Variants in POSTN observed in about 807,000 individuals in gnomAD.
POSTN encodes periostin.
POSTN carries 71 observed loss-of-function variants against 104.5 expected under a neutral mutation model. The ratio of observed to expected loss-of-function variants is 0.68; its 90% CI spans 0.56 to 0.83. The LOEUF (loss-of-function observed/expected upper bound fraction) is 0.83. POSTN is among the 40% of genes least tolerant of loss of function. The pLI is 0.00. For synonymous variants in POSTN, 355 were observed against 340.7 expected (o/e 1.04, Z -0.46); for missense variants, 949 against 1,006.8 (o/e 0.94, Z 0.78).
At chr13:37,583,258 A>G (rs565635166) in intron 9 of POSTN, among the ~76,000 whole-genome samples, 25 of 152,082 alleles carry the variant, frequency 1.6e-4, no homozygotes, top group Non-Finnish European at 3.2e-4. Context: ...TTATTTATTT[A>G]TAATTTGACA....
At chr13:37,573,931 T>TGTGA (rs1444520395) in intron 17 of POSTN, among the ~76,000 whole-genome samples, 2 of 151,192 alleles carry the variant, frequency 1.3e-5, no homozygotes, top group Non-Finnish European at 1.5e-5. Context: ...AGAATGTGTG[T>TGTGA]GTGTGTCTGT....
intron 16 of POSTN, among the ~76,000 whole-genome samples, chr13:37,576,924 A>G (rs572435156): frequency 2.0e-5 from 3 of 152,216 alleles, no homozygotes; most frequent in Admixed American, 6.6e-5. Context: ...AAATAACTGG[A>G]TGCTCATGGT....
In POSTN at chr13:37,584,123, C is replaced by T. The variant is rs575999225; in HGVS notation, c.1109-20G>A. ...GTTTGGCTGAAAAATAAACCATCAC[C>T]ATCACAACAATGTCATCATTGCTAT... On this transcript the variant is annotated intron_variant, in intron 8 of 22. Coordinates refer to ENST00000379747, the MANE Select transcript of POSTN (RefSeq NM_006475.3). 6 of 1,612,948 alleles carry T rather than the reference C, an allele frequency of 3.7e-6. No individual in the cohort carries two copies. The African/African-American group carries it at 5.3e-5, about 14-fold the overall frequency.
intron 9 of POSTN, among the ~76,000 whole-genome samples, chr13:37,583,212 T>C (rs1487688541): frequency 6.6e-6 from 1 of 152,172 alleles, no homozygotes; most frequent in Non-Finnish European, 1.5e-5. Context: ...TATACTATTT[T>C]ACATCATGAT....
intron 4 of POSTN, among the ~76,000 whole-genome samples, chr13:37,589,842 CATT>C (rs1257921588): frequency 6.6e-6 from 1 of 151,944 alleles, no homozygotes; most frequent in African/African-American, 2.4e-5. Flanking sequence ...TAATTTAAGG[CATT>C]GTAAATTAGA....
intron 2 of POSTN, 34 bp downstream of exon 2, chr13:37,597,150 A>T: frequency 7.1e-7 from 1 of 1,404,568 alleles, no homozygotes; most frequent in Non-Finnish European, 9.7e-7. Flanking sequence ...TTGTTTTTGG[A>T]ACTGACATAT....
At chr13:37,564,736 A>G (rs1053606465) in intron 21 of POSTN, 176 bp from the exon 22 acceptor site, 1 of 438,942 alleles carries the variant, frequency 2.3e-6, no homozygotes, top group Non-Finnish European at 4.1e-6. Context: ...CGTAAAGGAC[A>G]AGTAGACAGA....
chr13:37,589,472 A>T (rs911497359), intron 4 of POSTN, among the ~76,000 whole-genome samples: 1 of 152,102 alleles, frequency 6.6e-6, no homozygotes, highest in African/African-American at 2.4e-5. Flanking sequence ...AGCATTAGGT[A>T]TATCTCCTAA....
chr13:37,587,820 A>G lies in POSTN; in HGVS notation c.606+2T>C, dbSNP rs1380952972. The G allele has an allele frequency of 6.4e-7, 1 of 1,572,406 alleles. No individual in the cohort carries two copies. Among genetic ancestry groups the G allele is most frequent in the Non-Finnish European group, 8.7e-7 (1 of 1,151,044 alleles). On this transcript the variant is annotated splice_donor_variant, in intron 5 of 22. Transcript: ENST00000379747. LOFTEE classifies it high-confidence loss of function. The stretch of plus-strand genomic sequence containing the variant: ...AGTGTACTTTTTACTGATAAAACTT[A>G]CCCCATTAGGATAATGGTTAATGAA...
intron 21 of POSTN, chr13:37,564,864 T>C (rs1950044872): frequency 4.6e-6 from 1 of 217,222 alleles, no homozygotes; most frequent in African/African-American, 2.3e-5. Context: ...TTACATGATT[T>C]TTTCAATCTT....
intron 20 of POSTN, 104 bp downstream of exon 20, chr13:37,569,640 A>T (rs1052880516): frequency 1.2e-4 from 113 of 963,862 alleles, no homozygotes; most frequent in Non-Finnish European, 1.3e-5. Context: ...TATGGAAATG[A>T]ACAATAGATT....
intron 3 of POSTN, 67 bp downstream of exon 3, chr13:37,592,033 C>G: frequency 3.6e-6 from 4 of 1,123,264 alleles, no homozygotes; most frequent in Non-Finnish European, 5.4e-6. Flanking sequence ...ATTGGCTTCT[C>G]CACAAGCCAC....
chr13:37,583,918 G>GA (rs751736791), intron 9 of POSTN, 51 bp downstream of exon 9: 2 of 1,557,414 alleles, frequency 1.3e-6, no homozygotes, highest in Non-Finnish European at 1.7e-6. Context: ...TCATCATAAA[G>GA]AAAAAAAGGT....
At chr13:37,566,739 T>A (rs1476681677) in intron 21 of POSTN, among the ~76,000 whole-genome samples, 1 of 152,166 alleles carries the variant, frequency 6.6e-6, no homozygotes, top group Non-Finnish European at 1.5e-5. Context: ...TTATTCTCCT[T>A]TAATTGCTTG....
Position 37,582,347 on chromosome 13 carries a change from T to G in POSTN, c.1392+19A>C. On this transcript the variant is annotated intron_variant, in intron 10 of 22. Transcript: ENST00000379747. ...ACATGTCATTTGACAGACTTTTTAT[T>G]TTGTTGTGATTCACTTACTGTACGA... The G allele has an allele frequency of 6.3e-7, 1 of 1,585,124 alleles. No individual in the cohort carries two copies. Among genetic ancestry groups the G allele is most frequent in the Non-Finnish European group, 8.5e-7 (1 of 1,170,986 alleles).
chr13:37,574,832 C>G (rs1950360872), intron 16 of POSTN, among the ~76,000 whole-genome samples, 180 bp from the exon 17 acceptor site: 3 of 151,184 alleles, frequency 2.0e-5, no homozygotes. Flanking sequence ...CTTCTCATGT[C>G]CAGGTGTTGA....
rs1169097417 is a variant in POSTN, at chr13:37,577,787, A to G, written c.1974T>C (p.Gly658=). 1 of 1,613,656 alleles carries G rather than the reference A, an allele frequency of 6.2e-7. No homozygotes were observed. Among genetic ancestry groups the G allele is most frequent in the Non-Finnish European group, 8.5e-7 (1 of 1,179,718 alleles). Residue 658 remains glycine, a synonymous_variant, in exon 16 of 23, where the codon GGT becomes GGC. Transcript: ENST00000379747. Reference sequence around the variant, plus strand: ...TCACGGGGATTTCTTTGAAGGTGCTACCACGAACAAACTGAAAATAAATGT... The same window carrying G: ...TCACGGGGATTTCTTTGAAGGTGCTGCCACGAACAAACTGAAAATAAATGT... ...IKYIQIKFVR[G]STFKEIPVTV...
Position 37,579,877 on chromosome 13 carries a change from T to C in POSTN, c.1644A>G (p.Glu548=), listed in dbSNP as rs538902527. 3 of 1,609,514 alleles carry C rather than the reference T, an allele frequency of 1.9e-6. No individual in the cohort carries two copies. The South Asian group carries it at 3.3e-5, about 18-fold the overall frequency. The change falls in exon 12 of 23, where the codon GAA becomes GAG. Residue 548 remains glutamate (E), a synonymous_variant. Transcript: ENST00000379747. The part of the protein sequence containing the change: ...NDAFKGMTSE[E]KEILIRDKNA... ...TCCACTTACGTATCAGAATTTCTTT[T>C]TCTTCACTAGTCATTCCCTTAAAAG...
rs1426418881 is a variant in POSTN, at chr13:37,580,653, T to G, written c.1437A>C (p.Gln479His). The G allele has an allele frequency of 1.2e-6, 2 of 1,614,022 alleles. No individual in the cohort carries two copies. Among genetic ancestry groups the G allele is most frequent in the African/African-American group, 1.3e-5 (1 of 74,922 alleles). Residue 479 changes from glutamine (Q) to histidine (H), a missense_variant, in exon 11 of 23, where the codon CAA becomes CAC. Gln to His is a conservative substitution (Grantham distance 24, BLOSUM62 0). Transcript: ENST00000379747. ...ENSCMEKGSK[Q>H]GRNGAIHIFR... ...ATATGTGAATCGCACCGTTTCTCCC[T>G]TGCTTACTCCCTTTCTCCATGCATG... is the stretch of plus-strand genomic sequence containing the variant.
Sources: allele counts gnomAD v4.1 joint callset (sites outside exome capture counted in the v4.1 genomes callset), GRCh38; gene constraint gnomAD v4.1.1; transcripts MANE v1.5; gene names NCBI Gene and HGNC (gene_info 2026-07-23, HGNC 2026-07-21).